Variants in LIMD1 observed in about 807,000 individuals in gnomAD.
The protein encoded by LIMD1 is LIM domain-containing protein 1.
A neutral mutation model predicts 58.4 loss-of-function variants in LIMD1; 23 were observed. The ratio of observed to expected loss-of-function variants is 0.39; its 90% confidence interval spans 0.28 to 0.56. The LOEUF (loss-of-function observed/expected upper bound fraction) is 0.56, where lower values mean the gene tolerates loss of function less well. Among genes scored for constraint, LIMD1 ranks in the 20% least tolerant of loss-of-function variants. The pLI is 0.57. For missense variants in LIMD1, 838 were observed against 855.5 expected (o/e 0.98, Z 0.25); for synonymous variants, 334 against 345.5 (o/e 0.97, Z 0.37).
chr3:45,649,769 A>G (rs1201671471), intron 2 of LIMD1, among the ~76,000 whole-genome samples: 1 of 145,522 alleles, frequency 6.9e-6, no homozygotes, highest in East Asian at 2.0e-4. Context: ...TTATATATAT[A>G]ATTATATATA....
At chr3:45,662,415 A>G (rs1466697653) in intron 2 of LIMD1, among the ~76,000 whole-genome samples, 3 of 152,030 alleles carry the variant, frequency 2.0e-5, no homozygotes, top group Non-Finnish European at 4.4e-5. Context: ...TTATAAAGGA[A>G]ATTAAATATA....
chr3:45,675,636 G>A (rs1265779797), intron 7 of LIMD1, among the ~76,000 whole-genome samples: 1 of 117,026 alleles, frequency 8.5e-6, no homozygotes, highest in African/African-American at 2.6e-5. Context: ...ACAAATTAAA[G>A]TCATGTATCA....
In LIMD1 at chr3:45,595,965, G is replaced by T. The variant is rs1272236407; in HGVS notation, c.1086G>T (p.Gln362His). Reference protein sequence around the residue: ...SSPAGLDGSQQGAVPGLGPKP... With the variant: ...SSPAGLDGSQHGAVPGLGPKP... ...CAGCTGGTCTGGACGGTTCACAGCA[G>T]GGTGCGGTCCCTGGGCTGGGGCCGA... Residue 362 changes from glutamine (Q) to histidine (H), a missense_variant, in exon 1 of 8, where the codon CAG (glutamine) becomes CAT (histidine). Physicochemically the swap from Gln to His is conservative, Grantham distance 24 (BLOSUM62 0). Around this residue, in one of 3 missense-constraint regions of LIMD1, gnomAD observed 659 missense variants for 639.8 expected, o/e 1.03. Transcript: ENST00000273317. 16 of 1,614,234 alleles carry T rather than the reference G, an allele frequency of 9.9e-6. No homozygotes were observed. Among genetic ancestry groups the T allele is most frequent in the Non-Finnish European group, 1.4e-5 (16 of 1,180,048 alleles).
At chr3:45,665,540 G>A in intron 2 of LIMD1, 110 bp from the exon 3 acceptor site, 2 of 821,638 alleles carry the variant, frequency 2.4e-6, no homozygotes, top group South Asian at 1.6e-5. Context: ...ACAGTTGGCG[G>A]TTTTTACGTG....
chr3:45,653,451 A>G (rs1365558090), intron 2 of LIMD1, among the ~76,000 whole-genome samples: 1 of 152,224 alleles, frequency 6.6e-6, no homozygotes, highest in Non-Finnish European at 1.5e-5. Flanking sequence ...GGGAAGGGGC[A>G]AAGGCAAGGT....
chr3:45,657,247 C>G (rs1391161362), intron 2 of LIMD1, among the ~76,000 whole-genome samples: 1 of 152,166 alleles, frequency 6.6e-6, no homozygotes, highest in Non-Finnish European at 1.5e-5. Context: ...TGGAAGGTTA[C>G]CTATCAAGTT....
At chr3:45,615,856 G>A (rs1701570930) in intron 1 of LIMD1, among the ~76,000 whole-genome samples, 1 of 152,028 alleles carries the variant, frequency 6.6e-6, no homozygotes, top group South Asian at 2.1e-4. Flanking sequence ...ATGTCCATAG[G>A]GAGGGGGTAC....
intron 4 of LIMD1, among the ~76,000 whole-genome samples, chr3:45,669,533 T>C (rs1323115412): frequency 1.3e-5 from 2 of 152,164 alleles, no homozygotes; most frequent in East Asian, 1.9e-4. Context: ...GATCAAGATA[T>C]AGAACACTTC....
rs772639295 is a variant in LIMD1, at chr3:45,676,912, C to T, written c.1894-10C>T. ...TTTTGCTTCCCCTGGACATGTCTGCCTCCCCACAGGACTGTGGTCTGGAGC... is the reference window on the plus strand; with the variant it reads ...TTTTGCTTCCCCTGGACATGTCTGCTTCCCCACAGGACTGTGGTCTGGAGC... On this transcript the variant is annotated splice_polypyrimidine_tract_variant and intron_variant, in intron 7 of 7. Coordinates refer to ENST00000273317, the MANE Select transcript of LIMD1 (RefSeq NM_014240.3). 2.5e-6 allele frequency: 4 copies of T among 1,613,922 alleles called. No homozygotes were observed. Among genetic ancestry groups the T allele is most frequent in the East Asian group, 2.2e-5 (1 of 44,880 alleles).
chr3:45,657,929 C>T (rs1697364440), intron 2 of LIMD1, among the ~76,000 whole-genome samples: 1 of 152,172 alleles, frequency 6.6e-6, no homozygotes, highest in Admixed American at 6.5e-5. Flanking sequence ...TGAACCCTTT[C>T]TACGCTCACT....
chr3:45,655,963 C>A (rs1702023099), intron 2 of LIMD1, among the ~76,000 whole-genome samples: 1 of 152,188 alleles, frequency 6.6e-6, no homozygotes, highest in African/African-American at 2.4e-5. Context: ...TATGTTGAAT[C>A]TCTAATCCCA....
rs182022575 is a variant in LIMD1 at position 45,595,013 on chromosome 3, G to A, written c.134G>A (p.Arg45His). ...AGNNPEFEET[R>H]RVFATKMAKI... ...AACAACCCCGAGTTTGAGGAAACTCGCAGGGTGTTCGCCACCAAGATGGCC... is the reference window on the plus strand; with the variant it reads ...AACAACCCCGAGTTTGAGGAAACTCACAGGGTGTTCGCCACCAAGATGGCC... The change falls in exon 1 of 8, where the codon CGC becomes CAC. Residue 45 changes from arginine (R) to histidine (H), a missense_variant. By Grantham distance (29) the Arg-to-His change is conservative (BLOSUM62 0). Transcript: ENST00000273317. 1.9e-6 allele frequency: 3 copies of A among 1,613,850 alleles called. No individual in the cohort carries two copies. Among genetic ancestry groups the A allele is most frequent in the Non-Finnish European group, 2.5e-6 (3 of 1,180,032 alleles).
At chr3:45,639,967 G>A (rs1046040119) in intron 2 of LIMD1, among the ~76,000 whole-genome samples, 1 of 152,172 alleles carries the variant, frequency 6.6e-6, no homozygotes, top group Non-Finnish European at 1.5e-5. Context: ...CCGGCCAGAG[G>A]TTAGGATTTT....
At chr3:45,643,256 G>A (rs554094352) in intron 2 of LIMD1, among the ~76,000 whole-genome samples, 7 of 152,220 alleles carry the variant, frequency 4.6e-5, no homozygotes, top group Admixed American at 6.5e-5. Context: ...AGGTTGAGGC[G>A]GGTAGATCAC....
At chr3:45,665,212 C>T (rs1185521214) in intron 2 of LIMD1, among the ~76,000 whole-genome samples, 1 of 151,962 alleles carries the variant, frequency 6.6e-6, no homozygotes, top group African/African-American at 2.4e-5. Context: ...TAGGACTCTC[C>T]TGATAGGCGG....
intron 4 of LIMD1, among the ~76,000 whole-genome samples, chr3:45,670,054 GCCAAGAC>G (rs1697569993): frequency 6.6e-6 from 1 of 152,136 alleles, no homozygotes; most frequent in African/African-American, 2.4e-5. Flanking sequence ...CTCATTAGTA[GCCAAGAC>G]CTCCCTGGGA....
At chr3:45,653,074 A>G (rs1179828542) in intron 2 of LIMD1, among the ~76,000 whole-genome samples, 1 of 152,220 alleles carries the variant, frequency 6.6e-6, no homozygotes, top group Non-Finnish European at 1.5e-5. Context: ...TGAATTGGAT[A>G]ATAACTACAG....
chr3:45,658,081 G>C (rs17078153), intron 2 of LIMD1, among the ~76,000 whole-genome samples: 6,281 of 152,230 alleles, frequency 0.041, 140 homozygotes, highest in African/African-American at 0.067. Context: ...AAAAATATAT[G>C]TGAAAGCCCT....
intron 1 of LIMD1, among the ~76,000 whole-genome samples, chr3:45,618,252 G>T (rs187350756): frequency 3.3e-5 from 5 of 152,342 alleles, no homozygotes; most frequent in Non-Finnish European, 4.4e-5. Flanking sequence ...GCTAAGGTCA[G>T]ATTGCGTGCG....
Sources: allele counts gnomAD v4.1 joint callset (sites outside exome capture counted in the v4.1 genomes callset), GRCh38; gene constraint gnomAD v4.1.1; regional missense constraint gnomAD v4.1.1; transcripts MANE v1.5; gene names NCBI Gene and HGNC (gene_info 2026-07-23, HGNC 2026-07-21).